Variants in LRRC20 observed in about 807,000 individuals in gnomAD.
LRRC20 encodes leucine rich repeat containing 20, also known as leucine-rich repeat-containing protein 20.
In LRRC20, 11 loss-of-function variants were observed where a neutral mutation model predicts 14.4. That is an observed-to-expected ratio of 0.77 (90% CI 0.48 to 1.27). The LOEUF (loss-of-function observed/expected upper bound fraction) is 1.27. Among genes scored for constraint, LRRC20 ranks in the 50% most tolerant of loss-of-function variants. The pLI is 0.00. For missense variants in LRRC20, 219 were observed against 251.2 expected (o/e 0.87, Z 0.87); for synonymous variants, 121 against 107.3 (o/e 1.13, Z -0.79).
intron 3 of LRRC20, among the ~76,000 whole-genome samples, chr10:70,327,190 T>C (rs1240728144): frequency 6.6e-6 from 1 of 152,222 alleles, no homozygotes; most frequent in Non-Finnish European, 1.5e-5. Flanking sequence ...TTGAGTAGGC[T>C]AAGGGATGCC....
intron 2 of LRRC20, among the ~76,000 whole-genome samples, chr10:70,358,528 G>A (rs1451936860): frequency 6.6e-6 from 1 of 152,172 alleles, no homozygotes; most frequent in Non-Finnish European, 1.5e-5. Flanking sequence ...ACAGATGCAT[G>A]ACTGATGGGA....
At chr10:70,374,961 GCT>G (rs145433856) in intron 2 of LRRC20, among the ~76,000 whole-genome samples, 3,704 of 152,200 alleles carry the variant, frequency 0.024, 85 homozygotes, top group Non-Finnish European at 0.039. Flanking sequence ...AGAAACTGAG[GCT>G]CTGAGAGGTT....
chr10:70,322,183 C>G (rs1271476188), intron 4 of LRRC20, among the ~76,000 whole-genome samples: 1 of 152,192 alleles, frequency 6.6e-6, no homozygotes, highest in Non-Finnish European at 1.5e-5. Flanking sequence ...TAAGCTTCAT[C>G]TGAAAGATGA....
At chr10:70,322,261 A>T (rs1842114495) in intron 4 of LRRC20, among the ~76,000 whole-genome samples, 1 of 152,184 alleles carries the variant, frequency 6.6e-6, no homozygotes, top group African/African-American at 2.4e-5. Context: ...GGGGAAGCCA[A>T]AGCTGGCGCT....
chr10:70,359,919 C>CTT (rs542983316), intron 2 of LRRC20, among the ~76,000 whole-genome samples: 11 of 141,628 alleles, frequency 7.8e-5, no homozygotes, highest in East Asian at 2.0e-4. Context: ...TTTTCTTTTT[C>CTT]TTTTTTTTTT....
chr10:70,330,335 T>C lies in LRRC20; in HGVS notation c.233-6305A>G, dbSNP rs76695776. On this transcript the variant is annotated intron_variant, in intron 3 of 4. Transcript: ENST00000446961. ...CTGTTTCATCTTGGCTGAGTTTTAG[T>C]GGTTTGTGGTTCTCAAGAACATGGT... Among the ~76,000 whole-genome samples the C allele has an allele frequency of 8.1e-3, 1,231 of 152,338 alleles. 12 individuals carry two copies. The highest frequency in any genetic ancestry group is 0.02 in the Middle Eastern group (6 of 294).
At chr10:70,306,933 C>T (rs2136873473) in intron 4 of LRRC20, among the ~76,000 whole-genome samples, 1 of 152,260 alleles carries the variant, frequency 6.6e-6, no homozygotes, top group South Asian at 2.1e-4. Context: ...CATTATTGGA[C>T]TTCATTATTC....
intron 4 of LRRC20, among the ~76,000 whole-genome samples, chr10:70,302,636 G>A (rs891703598): frequency 6.6e-6 from 1 of 152,128 alleles, no homozygotes; most frequent in Non-Finnish European, 1.5e-5. Flanking sequence ...TAGTCAGGAG[G>A]CTGAGGCAGG....
intron 2 of LRRC20, among the ~76,000 whole-genome samples, chr10:70,347,035 G>A (rs558612738): frequency 1.4e-3 from 219 of 152,192 alleles, no homozygotes; most frequent in Admixed American, 2.6e-3. Flanking sequence ...ACAGGTGCAT[G>A]CCACCATGCC....
At chr10:70,356,805 C>T (rs1006472005) in intron 2 of LRRC20, among the ~76,000 whole-genome samples, 2 of 151,870 alleles carry the variant, frequency 1.3e-5, no homozygotes, top group South Asian at 2.1e-4. Flanking sequence ...GAGCCAAGAT[C>T]GCGCCACTGC....
At chr10:70,336,857 G>T (rs1333150519) in intron 3 of LRRC20, among the ~76,000 whole-genome samples, 1 of 152,158 alleles carries the variant, frequency 6.6e-6, no homozygotes, top group Non-Finnish European at 1.5e-5. Context: ...TCACTAAAAA[G>T]AGCTAAGACT....
At chr10:70,327,634 G>T (rs1280182805) in intron 3 of LRRC20, among the ~76,000 whole-genome samples, 1 of 151,828 alleles carries the variant, frequency 6.6e-6, no homozygotes, top group Non-Finnish European at 1.5e-5. Context: ...TGCTAATAGA[G>T]CACTACTACA....
intron 4 of LRRC20, among the ~76,000 whole-genome samples, chr10:70,321,251 C>G (rs1842065558): frequency 6.6e-6 from 1 of 152,254 alleles, no homozygotes; most frequent in Non-Finnish European, 1.5e-5. Context: ...GCTGCAGGAG[C>G]TCAGCTACAA....
At chr10:70,364,742 G>A (rs1453661273) in intron 2 of LRRC20, among the ~76,000 whole-genome samples, 1 of 152,152 alleles carries the variant, frequency 6.6e-6, no homozygotes, top group Non-Finnish European at 1.5e-5. Flanking sequence ...GGTGGGCCCG[G>A]GAGGGACGAA....
intron 2 of LRRC20, among the ~76,000 whole-genome samples, chr10:70,341,733 A>C (rs1350792773): frequency 6.6e-6 from 1 of 152,232 alleles, no homozygotes; most frequent in Non-Finnish European, 1.5e-5. Flanking sequence ...ATACCACTGC[A>C]CACCAGCCTG....
chr10:70,333,701 C>T (rs1277821069), intron 3 of LRRC20, among the ~76,000 whole-genome samples: 1 of 152,222 alleles, frequency 6.6e-6, no homozygotes. Flanking sequence ...ATGGCAAAAA[C>T]TGATGCAGAA....
At chr10:70,310,736 C>T (rs1841621584) in intron 4 of LRRC20, among the ~76,000 whole-genome samples, 1 of 152,192 alleles carries the variant, frequency 6.6e-6, no homozygotes, top group South Asian at 2.1e-4. Flanking sequence ...ATCAATGCTG[C>T]TTAATCAACT....
At chr10:70,368,081 T>C (rs1423471310) in intron 2 of LRRC20, among the ~76,000 whole-genome samples, 2 of 150,896 alleles carry the variant, frequency 1.3e-5, no homozygotes, top group African/African-American at 4.9e-5. Flanking sequence ...CCTCCCAGGT[T>C]GAAGAGATTC....
chr10:70,312,289 C>T (rs1716821309), intron 4 of LRRC20, among the ~76,000 whole-genome samples: 1 of 152,202 alleles, frequency 6.6e-6, no homozygotes. Context: ...TACCCCCTCT[C>T]AAAATGCCAC....
Sources: gnomAD v4.1 joint callset for allele counts (sites outside exome capture counted in the v4.1 genomes callset) on GRCh38, gnomAD v4.1.1 for gene constraint, MANE v1.5 for transcripts, NCBI Gene and HGNC (gene_info 2026-07-23, HGNC 2026-07-21) for gene names.